Variants in KHDRBS2 observed in about 807,000 individuals in gnomAD.
KHDRBS2 encodes KH RNA binding domain containing, signal transduction associated 2, also known as KH domain-containing, RNA-binding, signal transduction-associated protein 2.
Under a neutral mutation model 44.3 loss-of-function variants are expected in KHDRBS2, and 26 were observed. The ratio of observed to expected loss-of-function variants is 0.59; its 90% CI spans 0.43 to 0.81. The LOEUF (loss-of-function observed/expected upper bound fraction) is 0.81, where lower values mean the gene tolerates loss of function less well. KHDRBS2 is among the 40% of genes least tolerant of loss of function. KHDRBS2 has a pLI of 0.00. For missense variants in KHDRBS2, 476 were observed against 433.1 expected (o/e 1.10, Z -0.88); for synonymous variants, 194 against 151.1 (o/e 1.28, Z -2.08).
Position 61,680,898 on chromosome 6 carries a change from C to T in KHDRBS2, c.*65G>A, listed in dbSNP as rs1766223452. ...AAAAGGACTATTACTTGTCTTGTTG[C>T]TGTTTATGTGGAGACCACAGGCTAT... On this transcript the variant is annotated 3_prime_UTR_variant, in exon 9 of 9. Coordinates refer to ENST00000281156, the MANE Select transcript of KHDRBS2 (RefSeq NM_152688.4). 5.2e-6 allele frequency: 5 copies of T among 967,404 alleles called. No homozygotes were observed. The highest frequency in any genetic ancestry group is 2.5e-5 in the East Asian group (1 of 40,776). The allele number at this position is 967,404 out of a possible 1,614,324, so 59.9% of individuals were successfully genotyped here. A position where few individuals can be genotyped will look rare whatever the true frequency, so the allele number is the denominator to read the frequency against.
chr6:62,111,457 A>G (rs115327913), intron 2 of KHDRBS2, among the ~76,000 whole-genome samples: 3 of 152,258 alleles, frequency 2.0e-5, no homozygotes, highest in African/African-American at 7.2e-5. Context: ...GGTGATGTCT[A>G]ACAAGTATTC....
At chr6:62,073,452 C>A (rs1294225454) in intron 2 of KHDRBS2, among the ~76,000 whole-genome samples, 3 of 149,228 alleles carry the variant, frequency 2.0e-5, no homozygotes, top group Non-Finnish European at 4.5e-5. Context: ...TCTCTTTTTC[C>A]TTTCAGTCTA....
At chr6:62,070,037 A>G (rs1233128037) in intron 2 of KHDRBS2, among the ~76,000 whole-genome samples, 1 of 151,500 alleles carries the variant, frequency 6.6e-6, no homozygotes, top group African/African-American at 2.4e-5. Flanking sequence ...AATTTTTGTC[A>G]GACACTTTTT....
intron 7 of KHDRBS2, among the ~76,000 whole-genome samples, chr6:61,730,059 A>G (rs1774196738): frequency 6.6e-6 from 1 of 152,152 alleles, no homozygotes; most frequent in East Asian, 1.9e-4. Context: ...ATATTAAAAA[A>G]TTATTTTTCA....
intron 6 of KHDRBS2, among the ~76,000 whole-genome samples, chr6:61,869,128 C>T (rs192635201): frequency 3.2e-3 from 485 of 152,254 alleles, no homozygotes; most frequent in Non-Finnish European, 5.5e-3. Flanking sequence ...CATCACCCTG[C>T]CCTGCTTTTC....
chr6:62,116,972 TG>T (rs1259584955), intron 2 of KHDRBS2, among the ~76,000 whole-genome samples: 1 of 152,186 alleles, frequency 6.6e-6, no homozygotes, highest in Non-Finnish European at 1.5e-5. Context: ...ATATATACCA[TG>T]TTTCTTTATC....
At chr6:61,860,553 T>C (rs2127294476) in intron 6 of KHDRBS2, among the ~76,000 whole-genome samples, 1 of 152,256 alleles carries the variant, frequency 6.6e-6, no homozygotes, top group South Asian at 2.1e-4. Context: ...CATGATCTTG[T>C]TCTTTTTTAT....
intron 3 of KHDRBS2, among the ~76,000 whole-genome samples, chr6:62,027,388 GT>G (rs1370087755): frequency 1.3e-5 from 2 of 152,130 alleles, no homozygotes; most frequent in African/African-American, 4.8e-5. Context: ...CCTGTCCCTG[GT>G]TTCTAGCATG....
At chr6:62,220,656 T>G (rs1347500622) in intron 1 of KHDRBS2, among the ~76,000 whole-genome samples, 1 of 151,782 alleles carries the variant, frequency 6.6e-6, no homozygotes, top group East Asian at 1.9e-4. Context: ...AATTACATAT[T>G]GTAATTTCTA....
rs1196025983 is a variant in KHDRBS2, at chr6:62,076,740, T to C, written c.220-28746A>G. ...CGAGAATGGAAGGGATGCTCAATAG[T>C]ATTTGCTGAAAGACCAAATAAATAA... On this transcript the variant is annotated intron_variant, in intron 2 of 8. Transcript: ENST00000281156. Among the ~76,000 whole-genome samples, 4 of 151,924 alleles carry C rather than the reference T, an allele frequency of 2.6e-5. 1 individual carries two copies. The highest frequency in any genetic ancestry group is 1.9e-4 in the East Asian group (1 of 5,176).
chr6:61,542,854 G>A, the KHDRBS2 span, among the ~76,000 whole-genome samples: 1 of 152,050 alleles, frequency 6.6e-6, no homozygotes, highest in East Asian at 1.9e-4. Flanking sequence ...TGGAGTTTAG[G>A]AGATTTGGCC....
chr6:61,965,818 T>C (rs1769798344), intron 4 of KHDRBS2, among the ~76,000 whole-genome samples: 1 of 152,004 alleles, frequency 6.6e-6, no homozygotes, highest in South Asian at 2.1e-4. Context: ...ATGAATAATG[T>C]TTAGAAAGTC....
At chr6:61,605,722 C>T in the KHDRBS2 span, among the ~76,000 whole-genome samples, 1 of 152,172 alleles carries the variant, frequency 6.6e-6, no homozygotes, top group African/African-American at 2.4e-5. Context: ...CCCTGAGAAA[C>T]ATCACCTATT....
At chr6:61,613,390 C>A in the KHDRBS2 span, among the ~76,000 whole-genome samples, 1 of 152,104 alleles carries the variant, frequency 6.6e-6, no homozygotes, top group East Asian at 1.9e-4. Flanking sequence ...TTGATAATAT[C>A]ATAGAATGCT....
chr6:61,893,592 C>T (rs1431256544), intron 6 of KHDRBS2, among the ~76,000 whole-genome samples: 3 of 152,086 alleles, frequency 2.0e-5, no homozygotes, highest in African/African-American at 7.3e-5. Flanking sequence ...AGTTCATGTC[C>T]TTTGTAGGGA....
chr6:62,136,752 G>C (rs542407531), intron 2 of KHDRBS2, among the ~76,000 whole-genome samples: 1 of 152,144 alleles, frequency 6.6e-6, no homozygotes, highest in Admixed American at 6.5e-5. Context: ...GCTTCTGCCT[G>C]GCAAACACTT....
chr6:62,046,874 C>G (rs544494452), intron 3 of KHDRBS2, among the ~76,000 whole-genome samples: 43 of 151,890 alleles, frequency 2.8e-4, no homozygotes, highest in African/African-American at 9.6e-4. Flanking sequence ...CTGTGACTTT[C>G]TACAGTTGAT....
intron 2 of KHDRBS2, among the ~76,000 whole-genome samples, chr6:62,136,267 CCA>C (rs1436353641): frequency 6.6e-6 from 1 of 152,098 alleles, no homozygotes; most frequent in Non-Finnish European, 1.5e-5. Flanking sequence ...GGTCCACAGG[CCA>C]CAGTTTGTCC....
At chr6:61,857,312 C>T (rs1386813058) in intron 6 of KHDRBS2, among the ~76,000 whole-genome samples, 2 of 151,914 alleles carry the variant, frequency 1.3e-5, no homozygotes, top group East Asian at 1.9e-4. Context: ...GATGATTAAA[C>T]ATCTCTCTTA....
Sources: allele counts gnomAD v4.1 joint callset (sites outside exome capture counted in the v4.1 genomes callset), GRCh38; gene constraint gnomAD v4.1.1; transcripts MANE v1.5; gene names NCBI Gene and HGNC (gene_info 2026-07-23, HGNC 2026-07-21).